SLIT3: variants seen among roughly 807,000 people sequenced by gnomAD.
SLIT3 encodes the protein slit guidance ligand 3, also known as slit homolog 3 protein.
In SLIT3, 68 loss-of-function variants were observed where a neutral mutation model predicts 184.0. The observed-to-expected ratio is 0.37, with a 90% CI of 0.30 to 0.45. The LOEUF (loss-of-function observed/expected upper bound fraction) is 0.45. Ranked by LOEUF, SLIT3 falls within the 20% of genes least tolerant of loss-of-function variation. SLIT3 has a pLI of 1.00. For synonymous variants in SLIT3, 831 were observed against 828.6 expected (o/e 1.00, Z -0.05); for missense variants, 1,707 against 2,026.0 (o/e 0.84, Z 3.02).
At position 168,662,697 on chromosome 5, in the gene SLIT3, A is replaced by G. The variant is rs1389554415; in HGVS notation, c.*3757T>C. 1.3e-5 allele frequency: 2 copies of G among 152,230 alleles called. No individual in the cohort carries two copies. Among genetic ancestry groups the G allele is most frequent in the African/African-American group, 2.4e-5 (1 of 41,460 alleles). The allele number at this position is 152,230 out of a possible 1,614,324, so 9.4% of individuals were successfully genotyped here. A position where few individuals can be genotyped will look rare whatever the true frequency, so the allele number is the denominator to read the frequency against. On this transcript the variant is annotated 3_prime_UTR_variant, in exon 36 of 36. Coordinates refer to ENST00000519560, the MANE Select transcript of SLIT3 (RefSeq NM_003062.4). ...TTTTAAATACATAATCTCATCGGCC[A>G]TCGTACGGCCCCTTGGCTGAGTTGA...
chr5:168,937,246 A>G (rs1344624296), intron 4 of SLIT3, among the ~76,000 whole-genome samples: 1 of 152,150 alleles, frequency 6.6e-6, no homozygotes, highest in Non-Finnish European at 1.5e-5. Flanking sequence ...CCAGGTCCCT[A>G]TAAGGCCATG....
chr5:168,803,959 C>T (rs1375139961), intron 9 of SLIT3, among the ~76,000 whole-genome samples: 2 of 150,962 alleles, frequency 1.3e-5, no homozygotes, highest in Non-Finnish European at 3.0e-5. Context: ...AGTGGGAAGA[C>T]CATGGGTAGG....
intron 4 of SLIT3, among the ~76,000 whole-genome samples, chr5:169,177,974 G>T (rs1219788339): frequency 2.6e-5 from 4 of 152,044 alleles, no homozygotes; most frequent in African/African-American, 9.7e-5. Flanking sequence ...CGTGAGGTTT[G>T]TCCTTTCAGC....
At chr5:169,269,874 A>G (rs1365669980) in intron 1 of SLIT3, among the ~76,000 whole-genome samples, 2 of 152,210 alleles carry the variant, frequency 1.3e-5, no homozygotes, top group African/African-American at 4.8e-5. Context: ...TGAGAATCCA[A>G]TTTGTTTCCT....
chr5:169,234,750 C>T (rs1235975148), intron 3 of SLIT3, among the ~76,000 whole-genome samples: 1 of 152,114 alleles, frequency 6.6e-6, no homozygotes, highest in Non-Finnish European at 1.5e-5. Context: ...TGTCCATGGG[C>T]ACCATGAGGC....
intron 20 of SLIT3, among the ~76,000 whole-genome samples, chr5:168,732,793 T>C (rs1481695392): frequency 1.3e-5 from 2 of 152,062 alleles, no homozygotes; most frequent in African/African-American, 4.8e-5. Flanking sequence ...GGACTCATAC[T>C]TTTCACCATA....
intron 3 of SLIT3, among the ~76,000 whole-genome samples, chr5:169,216,874 G>C (rs570658457): frequency 9.2e-5 from 14 of 152,248 alleles, no homozygotes; most frequent in African/African-American, 3.4e-4. Context: ...GAGCCGATAG[G>C]TATTGCTACG....
chr5:168,670,563 A>G (rs1761205942), intron 34 of SLIT3, among the ~76,000 whole-genome samples: 1 of 152,218 alleles, frequency 6.6e-6, no homozygotes, highest in Admixed American at 6.5e-5. Flanking sequence ...GATCCGTATT[A>G]TAGAGTCAAA....
At chr5:169,062,980 G>A (rs1758228408) in intron 4 of SLIT3, among the ~76,000 whole-genome samples, 1 of 152,198 alleles carries the variant, frequency 6.6e-6, no homozygotes, top group Non-Finnish European at 1.5e-5. Context: ...TTTCTAAGAT[G>A]TTTCTCACAT....
chr5:168,687,513 G>A (rs1381051558), intron 29 of SLIT3, among the ~76,000 whole-genome samples: 1 of 152,154 alleles, frequency 6.6e-6, no homozygotes, highest in African/African-American at 2.4e-5. Flanking sequence ...TCCATCGTAA[G>A]GAAGAAACCA....
chr5:168,848,038 T>G, intron 5 of SLIT3, among the ~76,000 whole-genome samples: 1 of 152,184 alleles, frequency 6.6e-6, no homozygotes, highest in East Asian at 1.9e-4. Flanking sequence ...GAGCTCTCTT[T>G]CAATTTTTCC....
At chr5:168,670,412 G>A (rs924381681) in intron 34 of SLIT3, among the ~76,000 whole-genome samples, 1 of 152,204 alleles carries the variant, frequency 6.6e-6, no homozygotes, top group Admixed American at 6.5e-5. Flanking sequence ...TTTACACCCA[G>A]TATTGCTCTG....
chr5:168,949,697 TCAG>T (rs1345857551), intron 4 of SLIT3, among the ~76,000 whole-genome samples: 1 of 152,090 alleles, frequency 6.6e-6, no homozygotes, highest in African/African-American at 2.4e-5. Context: ...CTTCCTGGGC[TCAG>T]GTGATTCTCC....
At chr5:168,675,100 G>A (rs1464689758) in intron 32 of SLIT3, among the ~76,000 whole-genome samples, 1 of 152,182 alleles carries the variant, frequency 6.6e-6, no homozygotes, top group Non-Finnish European at 1.5e-5. Flanking sequence ...CGGGGGCTGG[G>A]AGGGAACAGT....
chr5:169,283,345 T>C (rs868638672), intron 1 of SLIT3, among the ~76,000 whole-genome samples: 8 of 152,198 alleles, frequency 5.3e-5, no homozygotes, highest in Non-Finnish European at 8.8e-5. Context: ...GAAGCAGGCA[T>C]AGTCTGGTCT....
At chr5:169,251,527 G>T in intron 1 of SLIT3, 68 bp from the exon 2 acceptor site, 1 of 1,050,700 alleles carries the variant, frequency 9.5e-7, no homozygotes, top group South Asian at 1.3e-5. Flanking sequence ...AATCCAGACT[G>T]GCTTGGACTG....
At chr5:169,151,253 C>T (rs1421729662) in intron 4 of SLIT3, among the ~76,000 whole-genome samples, 2 of 152,176 alleles carry the variant, frequency 1.3e-5, no homozygotes, top group African/African-American at 4.8e-5. Flanking sequence ...TTAAATGCAT[C>T]ATTTGCAGCC....
chr5:169,168,295 T>C (rs1323873371), intron 4 of SLIT3, among the ~76,000 whole-genome samples: 2 of 152,208 alleles, frequency 1.3e-5, no homozygotes, highest in Admixed American at 6.5e-5. Flanking sequence ...AAATCATTCT[T>C]AATAAGGTGA....
chr5:169,161,174 C>T (rs142061008), intron 4 of SLIT3, among the ~76,000 whole-genome samples: 6 of 152,188 alleles, frequency 3.9e-5, no homozygotes, highest in African/African-American at 1.2e-4. Context: ...ATATGGCATA[C>T]CATTTGGCAT....
Sources: allele counts gnomAD v4.1 joint callset (sites outside exome capture counted in the v4.1 genomes callset), GRCh38; gene constraint gnomAD v4.1.1; transcripts MANE v1.5; gene names NCBI Gene and HGNC (gene_info 2026-07-23, HGNC 2026-07-21).